WDR20: variants seen among roughly 807,000 people sequenced by gnomAD.
WDR20 encodes the protein WD repeat-containing protein 20.
A neutral mutation model predicts 38.7 loss-of-function variants in WDR20; 3 were observed. That is an observed-to-expected ratio of 0.08 (90% CI 0.04 to 0.20). The LOEUF (loss-of-function observed/expected upper bound fraction) is 0.20, where lower values mean the gene tolerates loss of function less well. Among genes scored for constraint, WDR20 ranks in the 10% least tolerant of loss-of-function variants. The pLI is 1.00. For missense variants in WDR20, 559 were observed against 727.7 expected (o/e 0.77, Z 2.67); for synonymous variants, 298 against 285.6 (o/e 1.04, Z -0.44).
chr14:102,208,566 C>T lies in WDR20; in HGVS notation c.433-37C>T, dbSNP rs746523315. The T allele has an allele frequency of 4.5e-6, 7 of 1,554,250 alleles. No individual in the cohort carries two copies. The highest frequency in any genetic ancestry group is 6.1e-6 in the Non-Finnish European group (7 of 1,148,078). On this transcript the variant is annotated intron_variant, in intron 2 of 2. Coordinates refer to ENST00000342702, the MANE Select transcript of WDR20 (RefSeq NM_144574.4). The surrounding 1 kb of genome is among the most constrained non-coding windows in gnomAD (Gnocchi z 5.6). ...CTGGAAAAGTAGACCTTTGAGACTTCTCCGTTGTGCTAACTTGTTCTCCTT... is the reference window on the plus strand; with the variant it reads ...CTGGAAAAGTAGACCTTTGAGACTTTTCCGTTGTGCTAACTTGTTCTCCTT...
chr14:102,173,415 GT>G (rs1269101046), intron 1 of WDR20, among the ~76,000 whole-genome samples: 3 of 148,730 alleles, frequency 2.0e-5, no homozygotes, highest in African/African-American at 7.4e-5. Context: ...CGCCCGGCCT[GT>G]TTTTTTCTTT....
intron 1 of WDR20, among the ~76,000 whole-genome samples, chr14:102,170,098 A>C (rs1018457828): frequency 6.6e-6 from 1 of 152,182 alleles, no homozygotes; most frequent in African/African-American, 2.4e-5. Context: ...TAAAAATGCA[A>C]ACTTTAGCAT....
At chr14:102,151,382 TTTTTTGTTTTTG>T (rs369867561) in intron 1 of WDR20, among the ~76,000 whole-genome samples, 2,602 of 152,028 alleles carry the variant, frequency 0.017, 48 homozygotes, top group South Asian at 0.096. Context: ...TAGGAGGTGT[TTTTTTGTTTTTG>T]TTTTTGTTTT....
At chr14:102,155,392 G>C (rs1233612940) in intron 1 of WDR20, among the ~76,000 whole-genome samples, 4 of 152,182 alleles carry the variant, frequency 2.6e-5, no homozygotes, top group Admixed American at 2.6e-4. Flanking sequence ...CTGGAGCCCT[G>C]CAAGGATAAG....
chr14:102,210,201 C>T lies in WDR20; in HGVS notation c.*321C>T. The T allele has an allele frequency of 9.5e-7, 1 of 1,048,624 alleles. No individual in the cohort carries two copies. Among genetic ancestry groups the T allele is most frequent in the East Asian group, 7.8e-5 (1 of 12,882 alleles). The allele number at this position is 1,048,624 out of a possible 1,614,324, so 65.0% of individuals were successfully genotyped here. A position where few individuals can be genotyped will look rare whatever the true frequency, so the allele number is the denominator to read the frequency against. ...TCATGACCATGTGGGGAAACAATGA[C>T]TTTAAAATGCTGAAATTAAAATTTA... On this transcript the variant is annotated 3_prime_UTR_variant, in exon 3 of 3. Transcript: ENST00000342702.
At position 102,209,703 on chromosome 14, in the gene WDR20, G is replaced by A. The variant is rs144508370; in HGVS notation, c.1533G>A (p.Thr511=). The change falls in exon 3 of 3, where the codon ACG becomes ACA. Residue 511 remains threonine, a synonymous_variant. Coordinates refer to ENST00000342702, the MANE Select transcript of WDR20 (RefSeq NM_144574.4). The surrounding 1 kb of genome is among the most constrained non-coding windows in gnomAD (Gnocchi z 6.0). ...CGGACCCTGCTAAAACTCTGGGAACGCCCCTGTGTCCTCGAATGGAAGATG... is the reference window on the plus strand; with the variant it reads ...CGGACCCTGCTAAAACTCTGGGAACACCCCTGTGTCCTCGAATGGAAGATG... ...TKTDPAKTLG[T]PLCPRMEDVP... 236 of 1,614,104 alleles carry A rather than the reference G, an allele frequency of 1.5e-4. 1 individual carries two copies. In the African/African-American group the frequency reaches 2.7e-3, roughly 18 times the overall value.
At position 102,221,519 on chromosome 14, in the gene WDR20, T is replaced by C. The variant is rs11160674; in HGVS notation, c.1693-1311T>C. The stretch of plus-strand genomic sequence containing the variant: ...CCAGAAGTATGGGGCGTTTGCGGGG[T>C]CCTCCACAAGTACAAACAGGGTTCT... On this transcript the variant is annotated intron_variant, in intron 3 of 3. Transcript: ENST00000335263. This position sits in a 1 kb window ranked among gnomAD's most constrained non-coding sequence, Gnocchi z 4.8. Among the ~76,000 whole-genome samples, 27,311 of 151,960 alleles carry C rather than the reference T, an allele frequency of 0.18. 3,609 individuals carry two copies. Among genetic ancestry groups the C allele is most frequent in the African/African-American group, 0.38 (15,622 of 41,392 alleles).
chr14:102,217,306 C>T (rs1200070344), downstream of WDR20, among the ~76,000 whole-genome samples: 3 of 152,202 alleles, frequency 2.0e-5, no homozygotes, highest in Non-Finnish European at 4.4e-5. Context: ...CTGACTTGCA[C>T]ACGTTCTCTC....
At chr14:102,150,717 G>C (rs1348623195) in intron 1 of WDR20, among the ~76,000 whole-genome samples, 1 of 152,120 alleles carries the variant, frequency 6.6e-6, no homozygotes, top group East Asian at 1.9e-4. Context: ...TATTTGAGTA[G>C]TTTTTGTGTG....
intron 1 of WDR20, among the ~76,000 whole-genome samples, chr14:102,188,341 G>A (rs2065392588): frequency 1.3e-5 from 2 of 152,144 alleles, no homozygotes; most frequent in South Asian, 4.1e-4. Flanking sequence ...TTTGCCTTTG[G>A]TGGAATAGCC....
chr14:102,204,603 C>T (rs2061165215), intron 2 of WDR20, among the ~76,000 whole-genome samples: 1 of 152,184 alleles, frequency 6.6e-6, no homozygotes, highest in South Asian at 2.1e-4. Context: ...AGTTTCTTGA[C>T]CTCTCTAAGC....
chr14:102,216,458 A>C (rs531038701), downstream of WDR20, among the ~76,000 whole-genome samples: 2 of 152,232 alleles, frequency 1.3e-5, no homozygotes, highest in African/African-American at 4.8e-5. Flanking sequence ...AACTCAGCTA[A>C]TTTTTGTGTA....
chr14:102,144,793 G>A (rs1043114938), intron 1 of WDR20, among the ~76,000 whole-genome samples: 2 of 151,368 alleles, frequency 1.3e-5, no homozygotes, highest in African/African-American at 4.9e-5. Flanking sequence ...AACCTCTGCC[G>A]CCCGGGCCCA....
chr14:102,195,153 C>A (rs770519641), intron 2 of WDR20, 33 bp downstream of exon 2: 1 of 1,607,406 alleles, frequency 6.2e-7, no homozygotes, highest in Non-Finnish European at 8.5e-7. Flanking sequence ...TGTTAAGAAT[C>A]CCTTTAAGAG....
chr14:102,165,522 GTGT>G (rs754770943), intron 1 of WDR20, among the ~76,000 whole-genome samples: 11 of 151,876 alleles, frequency 7.2e-5, no homozygotes, highest in Non-Finnish European at 1.3e-4. Flanking sequence ...TTCCCTCTAA[GTGT>G]TGTTTGAGGA....
chr14:102,182,891 C>CAT (rs900454054), intron 1 of WDR20, among the ~76,000 whole-genome samples: 8 of 151,622 alleles, frequency 5.3e-5, no homozygotes, highest in South Asian at 2.1e-4. Context: ...CCATAAAATA[C>CAT]ATATATATAC....
At chr14:102,173,403 C>T (rs924752355) in intron 1 of WDR20, among the ~76,000 whole-genome samples, 7 of 150,544 alleles carry the variant, frequency 4.6e-5, no homozygotes, top group South Asian at 2.1e-4. Flanking sequence ...TGTGTGCCAC[C>T]GCGCCCGGCC....
At chr14:102,162,993 C>A (rs139416955) in intron 1 of WDR20, among the ~76,000 whole-genome samples, 4 of 152,106 alleles carry the variant, frequency 2.6e-5, no homozygotes, top group African/African-American at 9.7e-5. Context: ...GCTTGCTAGC[C>A]CTTTTGCATT....
At chr14:102,212,528 G>C (rs1001163939), downstream of WDR20, 2 of 1,535,856 alleles carry the variant, frequency 1.3e-6, no homozygotes, top group Admixed American at 3.9e-5. Context: ...AGCCGGCAGA[G>C]CACTTCTGCA....
Sources: gnomAD v4.1 joint callset for allele counts (sites outside exome capture counted in the v4.1 genomes callset) on GRCh38, gnomAD v4.1.1 for gene constraint, Gnocchi (gnomAD v3.1) non-coding constraint, MANE v1.5 for transcripts, NCBI Gene and HGNC (gene_info 2026-07-23, HGNC 2026-07-21) for gene names.